Variants in CSRNP3 observed in about 807,000 individuals in gnomAD.
CSRNP3 encodes cysteine and serine rich nuclear protein 3.
CSRNP3 carries 12 observed loss-of-function variants against 48.0 expected under a neutral mutation model. That is an observed-to-expected ratio of 0.25 (90% CI 0.16 to 0.41). CSRNP3 has a LOEUF of 0.41. CSRNP3 is among the 10% of genes least tolerant of loss of function. The pLI is 1.00. For missense variants in CSRNP3, 580 were observed against 724.4 expected (o/e 0.80, Z 2.29); for synonymous variants, 263 against 269.7 (o/e 0.98, Z 0.24).
At chr2:165,541,741 CAA>C in intron 3 of CSRNP3, among the ~76,000 whole-genome samples, 1 of 152,192 alleles carries the variant, frequency 6.6e-6, no homozygotes, top group African/African-American at 2.4e-5. Context: ...AACCTGGTGT[CAA>C]GATCTGAGCA....
At chr2:165,574,197 C>T (rs748177591) in intron 3 of CSRNP3, 88 of 545,538 alleles carry the variant, frequency 1.6e-4, no homozygotes, top group Admixed American at 7.0e-4. Context: ...TGGAGGACTG[C>T]CTGAGCCTTA....
rs1426623906 is a variant in CSRNP3, at chr2:165,685,086, T to A, written c.*5333T>A. ...CTAAAGAAACTATTTTGTTAAAAAATTTAAACACATTTTATATTAAAATAA... is the reference window on the plus strand; with the variant it reads ...CTAAAGAAACTATTTTGTTAAAAAAATTAAACACATTTTATATTAAAATAA... On this transcript the variant is annotated 3_prime_UTR_variant, in exon 7 of 7. Coordinates refer to ENST00000651982, the MANE Select transcript of CSRNP3 (RefSeq NM_001172173.2). The A allele has an allele frequency of 6.6e-6, 1 of 152,078 alleles. No homozygotes were observed. Among genetic ancestry groups the A allele is most frequent in the Non-Finnish European group, 1.5e-5 (1 of 67,988 alleles). The allele number at this position is 152,078 out of a possible 1,614,324, so 9.4% of individuals were successfully genotyped here. A position where few individuals can be genotyped will look rare whatever the true frequency, so the allele number is the denominator to read the frequency against.
intron 1 of CSRNP3, among the ~76,000 whole-genome samples, chr2:165,490,053 C>G (rs1225859039): frequency 6.6e-6 from 1 of 151,718 alleles, no homozygotes; most frequent in Non-Finnish European, 1.5e-5. Flanking sequence ...AAATCCCCAT[C>G]GTCTCAGCCC....
At chr2:165,471,059 TATA>T (rs1489424240) in intron 1 of CSRNP3, among the ~76,000 whole-genome samples, 1 of 151,968 alleles carries the variant, frequency 6.6e-6, no homozygotes, top group Non-Finnish European at 1.5e-5. Flanking sequence ...CAGACACAAA[TATA>T]ATAGTTCTTG....
At chr2:165,637,470 G>C (rs1447126698) in intron 4 of CSRNP3, among the ~76,000 whole-genome samples, 6 of 152,172 alleles carry the variant, frequency 3.9e-5, no homozygotes, top group African/African-American at 1.4e-4. Context: ...CTCAGAATTA[G>C]GTGGTATTAG....
intron 2 of CSRNP3, among the ~76,000 whole-genome samples, chr2:165,503,716 T>A (rs1416345432): frequency 3.9e-5 from 6 of 152,160 alleles, no homozygotes; most frequent in Admixed American, 3.9e-4. Flanking sequence ...CAGAATTTTA[T>A]GTTTTTCTTT....
intron 3 of CSRNP3, among the ~76,000 whole-genome samples, chr2:165,546,995 CA>C (rs1405348330): frequency 6.6e-6 from 1 of 152,058 alleles, no homozygotes; most frequent in Non-Finnish European, 1.5e-5. Flanking sequence ...ATATATTAAG[CA>C]AAAAGTGAGT....
chr2:165,686,501 T>TA lies in CSRNP3; in HGVS notation c.*6754dup. Reference sequence around the variant, plus strand: ...TATACATTTTTGCAACTTTATTTAATAAAAAAGAGAAGAAAAAATAAAATC... The same window carrying TA: ...TATACATTTTTGCAACTTTATTTAATAAAAAAAGAGAAGAAAAAATAAAATC... On this transcript the variant is annotated 3_prime_UTR_variant, in exon 7 of 7. Transcript: ENST00000651982. 1 of 134,380 alleles carries TA rather than the reference T, an allele frequency of 7.4e-6. No homozygotes were observed. The highest frequency in any genetic ancestry group is 2.1e-4 in the East Asian group (1 of 4,704). 8.3% of individuals were successfully genotyped at this position (134,380 alleles called of 1,614,324 possible).
chr2:165,509,397 G>A (rs905507717), intron 2 of CSRNP3, among the ~76,000 whole-genome samples: 1 of 152,112 alleles, frequency 6.6e-6, no homozygotes, highest in African/African-American at 2.4e-5. Context: ...TGACACTTGT[G>A]TGAAGACTGG....
At chr2:165,603,525 TC>T (rs1285767040) in intron 4 of CSRNP3, among the ~76,000 whole-genome samples, 1 of 152,036 alleles carries the variant, frequency 6.6e-6, no homozygotes, top group Non-Finnish European at 1.5e-5. Context: ...TTCCTTCCTC[TC>T]CTCATCCACT....
chr2:165,666,379 A>AAG (rs762524192), intron 5 of CSRNP3, among the ~76,000 whole-genome samples: 3 of 54,880 alleles, frequency 5.5e-5, no homozygotes, highest in African/African-American at 1.5e-4. Context: ...GAGAGGAAGA[A>AAG]AGAGAGAGAG....
At chr2:165,630,801 C>T (rs573495569) in intron 4 of CSRNP3, among the ~76,000 whole-genome samples, 5 of 152,254 alleles carry the variant, frequency 3.3e-5, no homozygotes, top group Admixed American at 6.5e-5. Flanking sequence ...TGATATTTGA[C>T]GTGTTCAAAG....
intron 5 of CSRNP3, among the ~76,000 whole-genome samples, chr2:165,674,530 T>C (rs889043943): frequency 2.0e-5 from 3 of 151,032 alleles, no homozygotes; most frequent in Non-Finnish European, 4.4e-5. Flanking sequence ...AGGAAATAAA[T>C]TTTAGATTAT....
At chr2:165,537,360 G>A (rs923377514) in intron 3 of CSRNP3, among the ~76,000 whole-genome samples, 32 of 149,626 alleles carry the variant, frequency 2.1e-4, no homozygotes, top group Non-Finnish European at 4.0e-4. Context: ...TGAACCACAG[G>A]GGACCTAAAA....
chr2:165,652,454 G>C (rs190390276), intron 4 of CSRNP3, among the ~76,000 whole-genome samples: 3 of 150,386 alleles, frequency 2.0e-5, no homozygotes, highest in African/African-American at 2.5e-5. Context: ...AGTTGAGATC[G>C]CACCACTGCA....
intron 2 of CSRNP3, among the ~76,000 whole-genome samples, chr2:165,500,646 C>T (rs12468165): frequency 0.25 from 38,223 of 151,334 alleles, 4,969 homozygotes; most frequent in East Asian, 0.34. Flanking sequence ...TTAGTATAGA[C>T]GGGGTTTCAC....
In CSRNP3 at chr2:165,684,890, G is replaced by T. The variant is rs1687606527; in HGVS notation, c.*5137G>T. The T allele has an allele frequency of 6.6e-6, 1 of 151,928 alleles. No individual in the cohort carries two copies. The highest frequency in any genetic ancestry group is 2.4e-5 in the African/African-American group (1 of 41,386). The allele number at this position is 151,928 out of a possible 1,614,324, so 9.4% of individuals were successfully genotyped here. On this transcript the variant is annotated 3_prime_UTR_variant, in exon 7 of 7. Transcript: ENST00000651982. The stretch of plus-strand genomic sequence containing the variant: ...AAGCCAGATCTTATTACATCATAAA[G>T]ACTAGAGTTACAAATGGCAGCCCCA...
At chr2:165,640,464 C>T (rs1166656597) in intron 4 of CSRNP3, among the ~76,000 whole-genome samples, 1 of 152,118 alleles carries the variant, frequency 6.6e-6, no homozygotes, top group African/African-American at 2.4e-5. Context: ...CCTAAGGTGG[C>T]AATGAATCTA....
intron 4 of CSRNP3, among the ~76,000 whole-genome samples, chr2:165,627,058 C>G (rs1220875614): frequency 6.6e-6 from 1 of 152,160 alleles, no homozygotes; most frequent in East Asian, 1.9e-4. Context: ...CTCCTTCACT[C>G]TCCATTTGAT....
Sources: gnomAD v4.1 joint callset for allele counts (sites outside exome capture counted in the v4.1 genomes callset) on GRCh38, gnomAD v4.1.1 for gene constraint, MANE v1.5 for transcripts, NCBI Gene and HGNC (gene_info 2026-07-23, HGNC 2026-07-21) for gene names.